Variants in ZNF182 observed in about 807,000 individuals in gnomAD.
ZNF182 encodes zinc finger protein 182, also known as zinc finger protein 21 (KOX 14).
Under a neutral mutation model 28.1 loss-of-function variants are expected in ZNF182, and 10 were observed. The observed-to-expected ratio is 0.36, with a 90% CI of 0.22 to 0.60. ZNF182 has a LOEUF of 0.60. Ranked by LOEUF, ZNF182 falls within the 20% of genes least tolerant of loss-of-function variation. The probability of loss-of-function intolerance (pLI) is 0.75; values close to 1 mark genes in which losing one functional copy is unlikely to be tolerated. For missense variants in ZNF182, 352 were observed against 453.2 expected, an observed-to-expected ratio of 0.78 and a Z score of 2.03; for synonymous variants, 156 against 158.7, an observed-to-expected ratio of 0.98 and a Z score of 0.13.
At chrX:47,999,246 G>C (rs1470758988) in intron 3 of ZNF182, among the ~76,000 whole-genome samples, 3 of 109,865 alleles carry the variant, frequency 2.7e-5, no homozygotes, top group African/African-American at 1.0e-4. Flanking sequence ...CAGGCGTGGT[G>C]GCAGGTGCCT....
Position 47,976,537 on chromosome X carries a change from T to C in ZNF182, c.1493A>G (p.Asn498Ser). ...THTEEKPYKC[N>S]ECGKAFREKS... ...TTCTCTGAAGGCTTTGCCACATTCA[T>C]TACATTTATAGGGTTTTTCTTCTGT... The change falls in exon 6 of 6, where the codon AAT becomes AGT. Residue 498 changes from asparagine (N) to serine (S), a missense_variant. Asn to Ser is a conservative substitution (Grantham distance 46, BLOSUM62 1). Transcript: ENST00000376943. The C allele has an allele frequency of 8.3e-7, 1 of 1,207,525 alleles. No homozygotes were observed. Among genetic ancestry groups the C allele is most frequent in the Non-Finnish European group, 1.1e-6 (1 of 893,889 alleles).
intron 3 of ZNF182, among the ~76,000 whole-genome samples, chrX:48,001,002 T>C (rs1556901849): frequency 8.9e-6 from 1 of 112,070 alleles, no homozygotes; most frequent in African/African-American, 3.2e-5. Context: ...CAAATTAAAA[T>C]CATTATGAGA....
chrX:48,002,892 TGTAG>T (rs782112655), intron 2 of ZNF182, among the ~76,000 whole-genome samples: 2 of 112,660 alleles, frequency 1.8e-5, no homozygotes, highest in Non-Finnish European at 3.7e-5. Context: ...AAAGTGTATT[TGTAG>T]GTATTTTCCT....
rs782008659 is a variant in ZNF182, at chrX:47,977,817, A to C, written c.233-20T>G. 8.8e-7 allele frequency: 1 copy of C among 1,133,030 alleles called. No individual in the cohort carries two copies. The highest frequency in any genetic ancestry group is 2.8e-5 in the Admixed American group (1 of 35,612). The allele number at this position is 1,133,030 out of a possible 1,213,427, so 93.4% of individuals were successfully genotyped here. ...AGACTTCTAGAAAGAAGTACAATAA[A>C]CCACCTTTATGCTTTGACATTATGG... is the stretch of plus-strand genomic sequence containing the variant. On this transcript the variant is annotated intron_variant, in intron 5 of 5. Transcript: ENST00000376943.
At chrX:48,002,983 A>G (rs2058983596) in intron 2 of ZNF182, among the ~76,000 whole-genome samples, 1 of 112,373 alleles carries the variant, frequency 8.9e-6, no homozygotes, top group South Asian at 3.7e-4. Context: ...CAATAATGCC[A>G]AACTTAAACG....
At chrX:47,986,790 T>C (rs1243375037) in intron 3 of ZNF182, among the ~76,000 whole-genome samples, 1 of 111,655 alleles carries the variant, frequency 9.0e-6, no homozygotes, top group African/African-American at 3.3e-5. Context: ...CAGAAGAAGG[T>C]AGGAGGAGCT....
At chrX:47,989,032 T>C (rs138005360) in intron 3 of ZNF182, among the ~76,000 whole-genome samples, 2,372 of 112,044 alleles carry the variant, frequency 0.021, 25 homozygotes, top group Middle Eastern at 0.069. Context: ...CAAAGTATCA[T>C]CCACAAATTA....
intron 3 of ZNF182, among the ~76,000 whole-genome samples, chrX:47,993,105 G>A (rs1346227547): frequency 1.8e-5 from 2 of 113,012 alleles, no homozygotes; most frequent in African/African-American, 6.4e-5. Context: ...GGGAACAGGG[G>A]CTACAGACTG....
intron 2 of ZNF182, among the ~76,000 whole-genome samples, chrX:48,003,239 C>T (rs1483801521): frequency 8.9e-6 from 1 of 112,316 alleles, no homozygotes; most frequent in Non-Finnish European, 1.9e-5. Context: ...CCTATACACA[C>T]CAAAAATGTC....
At chrX:47,983,741 AATAGATGTGGATGGGTT>A (rs2058914794) in intron 3 of ZNF182, among the ~76,000 whole-genome samples, 2 of 112,051 alleles carry the variant, frequency 1.8e-5, no homozygotes, top group African/African-American at 6.5e-5. Flanking sequence ...TGACCTTTTC[AATAGATGTGGATGGGTT>A]ATTAGATATC....
intron 3 of ZNF182, among the ~76,000 whole-genome samples, chrX:47,994,433 G>C (rs939262449): frequency 9.0e-6 from 1 of 111,613 alleles, no homozygotes; most frequent in Non-Finnish European, 1.9e-5. Context: ...CAAGGGAAGT[G>C]ATAAAAGAAT....
chrX:47,976,258 T>C lies in ZNF182; in HGVS notation c.1772A>G (p.Lys591Arg). 8.3e-7 allele frequency: 1 copy of C among 1,203,765 alleles called. No homozygotes were observed. Among genetic ancestry groups the C allele is most frequent in the Non-Finnish European group, 1.1e-6 (1 of 892,572 alleles). ...TCGCTGATGTACAATAAGGTTTGAT[T>C]TTTGGGTAAAGGCTTTCCCACATTC... Reference protein sequence around the residue: ...CTECGKAFTQKSNLIVHQRTH... With the variant: ...CTECGKAFTQRSNLIVHQRTH... Residue 591 changes from lysine to arginine, a missense_variant, in exon 6 of 6, where the codon AAA (lysine) becomes AGA (arginine). By Grantham distance (26) the Lys-to-Arg change is conservative. Coordinates refer to ENST00000376943, the MANE Select transcript of ZNF182 (RefSeq NM_001007088.2).
intron 5 of ZNF182, among the ~76,000 whole-genome samples, chrX:47,981,695 T>C (rs1195974837): frequency 9.0e-6 from 1 of 111,277 alleles, no homozygotes; most frequent in Non-Finnish European, 1.9e-5. Context: ...GGTCAGGAGA[T>C]CGAGATCATC....
intron 3 of ZNF182, among the ~76,000 whole-genome samples, chrX:48,002,004 G>T (rs1392275194): frequency 1.8e-5 from 2 of 111,944 alleles, no homozygotes; most frequent in Non-Finnish European, 3.8e-5. Context: ...TAAAGTGAAA[G>T]AAAAAATATG....
intron 3 of ZNF182, among the ~76,000 whole-genome samples, chrX:47,989,362 G>A (rs1397593382): frequency 9.1e-6 from 1 of 110,098 alleles, no homozygotes; most frequent in Non-Finnish European, 1.9e-5. Context: ...GGGAGGTGGA[G>A]GTTGCAGTGA....
intron 5 of ZNF182, 124 bp downstream of exon 5, chrX:47,982,825 C>A (rs1303413287): frequency 1.7e-6 from 1 of 600,708 alleles, no homozygotes; most frequent in Non-Finnish European, 2.6e-6. Flanking sequence ...TCCCTGTCCT[C>A]CAACAGTGCC....
At chrX:47,994,613 C>T (rs1018328109) in intron 3 of ZNF182, among the ~76,000 whole-genome samples, 3 of 111,839 alleles carry the variant, frequency 2.7e-5, no homozygotes, top group Non-Finnish European at 5.6e-5. Context: ...GAGTCCCCTT[C>T]TCTCCAGAGG....
chrX:47,982,024 T>C (rs1408356244), intron 5 of ZNF182, among the ~76,000 whole-genome samples: 1 of 112,144 alleles, frequency 8.9e-6, no homozygotes, highest in African/African-American at 3.2e-5. Context: ...ACATCAATGT[T>C]CACAGCACCA....
At chrX:48,000,147 A>C (rs2058973975) in intron 3 of ZNF182, among the ~76,000 whole-genome samples, 1 of 111,663 alleles carries the variant, frequency 9.0e-6, no homozygotes, top group South Asian at 3.7e-4. Context: ...AAAAAAAATT[A>C]AAACATTAAA....
Sources: allele counts gnomAD v4.1 joint callset (sites outside exome capture counted in the v4.1 genomes callset), GRCh38; gene constraint gnomAD v4.1.1; transcripts MANE v1.5; gene names NCBI Gene and HGNC (gene_info 2026-07-23, HGNC 2026-07-21).